Variants in GUCA1B observed in about 807,000 individuals in gnomAD.
GUCA1B encodes guanylyl cyclase-activating protein 2.
A neutral mutation model predicts 24.2 loss-of-function variants in GUCA1B; 22 were observed. The ratio of observed to expected loss-of-function variants is 0.91; its 90% confidence interval spans 0.65 to 1.30. GUCA1B has a LOEUF of 1.30. GUCA1B is among the 50% of genes most tolerant of loss of function. The pLI, the probability that GUCA1B is intolerant of heterozygous loss-of-function variation, is 0.00. For synonymous variants in GUCA1B, 100 were observed against 97.9 expected, an observed-to-expected ratio of 1.02 and a Z score of -0.13; for missense variants, 221 against 258.8, an observed-to-expected ratio of 0.85 and a Z score of 1.00.
chr6:42,188,668 C>T lies in GUCA1B; in HGVS notation c.271G>A (p.Glu91Lys), dbSNP rs1341349636. 6.2e-6 allele frequency: 10 copies of T among 1,613,882 alleles called. No individual in the cohort carries two copies. In the Admixed American group the frequency reaches 1.0e-4, roughly 16 times the overall value. Reference sequence around the variant, plus strand: ...TTGAATGTCCACTTCAGCTTGTGCTCCAGGGTGCCCCTCAGCACGAGATTC... The same window carrying T: ...TTGAATGTCCACTTCAGCTTGTGCTTCAGGGTGCCCCTCAGCACGAGATTC... Reference protein sequence around the residue: ...ALNLVLRGTLEHKLKWTFKIY... With the variant: ...ALNLVLRGTLKHKLKWTFKIY... The change falls in exon 2 of 4, where the codon GAG (glutamate) becomes AAG (lysine). Residue 91 changes from glutamate to lysine, a missense_variant. Coordinates refer to ENST00000230361, the MANE Select transcript of GUCA1B (RefSeq NM_002098.6).
At chr6:42,189,077 C>G (rs573803909) in intron 1 of GUCA1B, among the ~76,000 whole-genome samples, 186 of 152,236 alleles carry the variant, frequency 1.2e-3, no homozygotes, top group African/African-American at 3.7e-3. Flanking sequence ...GCCACCACAC[C>G]CAGCCTAGAG....
chr6:42,189,618 G>A (rs1768266716), intron 1 of GUCA1B, among the ~76,000 whole-genome samples: 2 of 152,188 alleles, frequency 1.3e-5, no homozygotes, highest in Non-Finnish European at 2.9e-5. Context: ...CAACAGGCCT[G>A]TGCCTCCAGC....
chr6:42,191,102 A>T (rs1768296264), intron 1 of GUCA1B, among the ~76,000 whole-genome samples: 1 of 152,194 alleles, frequency 6.6e-6, no homozygotes, highest in Admixed American at 6.5e-5. Context: ...CCTGAGAGTG[A>T]TGGAAATGGC....
rs767394548 is a variant in GUCA1B, at chr6:42,194,691, G to A, written c.130C>T (p.Arg44Cys). 2.7e-5 allele frequency: 43 copies of A among 1,613,370 alleles called. 1 individual carries two copies. In the East Asian group the frequency reaches 4.2e-4, roughly 16 times the overall value. ...TCATCGTCTGTGACCTTGAAGAAGCGCTTAAACTCATGCATAAAGAGTGTG... is the reference window on the plus strand; with the variant it reads ...TCATCGTCTGTGACCTTGAAGAAGCACTTAAACTCATGCATAAAGAGTGTG... ...SGTLFMHEFK[R>C]FFKVTDDEEA... Residue 44 changes from arginine (R) to cysteine (C), a missense_variant, in exon 1 of 4, where the codon CGC (arginine) becomes TGC (cysteine). Coordinates refer to ENST00000230361, the MANE Select transcript of GUCA1B (RefSeq NM_002098.6).
chr6:42,194,597 C>T lies in GUCA1B; in HGVS notation c.207+17G>A. 6.4e-7 allele frequency: 1 copy of T among 1,552,516 alleles called. No individual in the cohort carries two copies. Among genetic ancestry groups the T allele is most frequent in the Non-Finnish European group, 8.9e-7 (1 of 1,123,652 alleles). On this transcript the variant is annotated intron_variant, in intron 1 of 3. Transcript: ENST00000230361. ...CAGGTGGACTGGCCACTGGTCCTTC[C>T]CTTCAGGGTGCCTTACCCCATTCTT...
At position 42,184,046 on chromosome 6, in the gene GUCA1B, A is replaced by C. The variant is rs1439264227; in HGVS notation, c.*769T>G. Among the ~76,000 whole-genome samples the C allele has an allele frequency of 1.3e-5, 2 of 151,446 alleles. No homozygotes were observed. The highest frequency in any genetic ancestry group is 1.5e-5 in the Non-Finnish European group (1 of 67,936). Reference sequence around the variant, plus strand: ...CCCCTCAGCATCCCGGAAGTTATAGAATTATTGCTGCCCCCTGCCCCCCAA... The same window carrying C: ...CCCCTCAGCATCCCGGAAGTTATAGCATTATTGCTGCCCCCTGCCCCCCAA... On this transcript the variant is annotated 3_prime_UTR_variant, in exon 4 of 4. Coordinates refer to ENST00000230361, the MANE Select transcript of GUCA1B (RefSeq NM_002098.6).
intron 1 of GUCA1B, among the ~76,000 whole-genome samples, chr6:42,192,074 G>A (rs1012130723): frequency 1.3e-5 from 2 of 150,692 alleles, no homozygotes; most frequent in Non-Finnish European, 1.5e-5. Context: ...GAAAAAGGAA[G>A]GCCAGGCATG....
intron 1 of GUCA1B, among the ~76,000 whole-genome samples, 159 bp from the exon 2 acceptor site, chr6:42,188,890 A>T (rs904974718): frequency 7.7e-6 from 1 of 130,658 alleles, no homozygotes; most frequent in South Asian, 2.1e-4. Context: ...AGAACATTCT[A>T]TCTATCTATC....
At chr6:42,188,536 A>C in intron 2 of GUCA1B, 46 bp downstream of exon 2, 1 of 1,592,178 alleles carries the variant, frequency 6.3e-7, no homozygotes, top group Non-Finnish European at 8.6e-7. Flanking sequence ...GAGCTCCAGC[A>C]GTGCTCTAGT....
chr6:42,184,540 C>A lies in GUCA1B; in HGVS notation c.*275G>T. ...ACACCCAGAAACTGTGGGAGCCCCA[C>A]AACCACCCAGCCAAGGCACAGTCCT... On this transcript the variant is annotated 3_prime_UTR_variant, in exon 4 of 4. Coordinates refer to ENST00000230361, the MANE Select transcript of GUCA1B (RefSeq NM_002098.6). The A allele has an allele frequency of 2.1e-6, 1 of 469,350 alleles. No homozygotes were observed. Among genetic ancestry groups the A allele is most frequent in the East Asian group, 4.4e-5 (1 of 22,888 alleles). The allele number at this position is 469,350 out of a possible 1,614,324, so 29.1% of individuals were successfully genotyped here.
intron 1 of GUCA1B, 145 bp from the exon 2 acceptor site, chr6:42,188,876 G>T: frequency 1.6e-6 from 1 of 619,970 alleles, no homozygotes; most frequent in Non-Finnish European, 2.8e-6. Flanking sequence ...CACCCTTGGG[G>T]TAGAGAACAT....
chr6:42,188,293 C>CGTGTGTGTGTGTGTGTGTGTGT (rs151241798), intron 2 of GUCA1B, among the ~76,000 whole-genome samples: 1 of 143,584 alleles, frequency 7.0e-6, no homozygotes, highest in Admixed American at 6.9e-5. Flanking sequence ...AGATACTTGT[C>CGTGTGTGTGTGTGTGTGTGTGT]GTGTGTGTGT....
intron 2 of GUCA1B, among the ~76,000 whole-genome samples, chr6:42,186,965 A>G (rs371062219): frequency 6.6e-6 from 1 of 152,236 alleles, no homozygotes. Context: ...TTCTTCCTTA[A>G]TCATTCTTGC....
chr6:42,193,434 C>G (rs888987150), intron 1 of GUCA1B, among the ~76,000 whole-genome samples: 1 of 152,216 alleles, frequency 6.6e-6, no homozygotes, highest in African/African-American at 2.4e-5. Context: ...AAAAAACCTG[C>G]CTTCTAGGCA....
intron 2 of GUCA1B, among the ~76,000 whole-genome samples, chr6:42,186,632 G>A (rs1382597032): frequency 1.3e-5 from 2 of 151,950 alleles, no homozygotes; most frequent in South Asian, 2.1e-4. Context: ...ATGTAAATGC[G>A]GAAGAGATGG....
At position 42,193,557 on chromosome 6, in the gene GUCA1B, A is replaced by G. The variant is rs187469633; in HGVS notation, c.207+1057T>C. On this transcript the variant is annotated intron_variant, in intron 1 of 3. Coordinates refer to ENST00000230361, the MANE Select transcript of GUCA1B (RefSeq NM_002098.6). ...TCCCACCCAGGGTTGCTGCTGATTC[A>G]GAGGAGACCTAAGAGAGGCGGAGCG... 2.6e-5 allele frequency among the ~76,000 whole-genome samples: 4 copies of G among 152,340 alleles called. No individual in the cohort carries two copies. The East Asian group carries it at 7.7e-4, about 29-fold the overall frequency.
Position 42,194,766 on chromosome 6 carries a change from C to T in GUCA1B, c.55G>A (p.Ala19Thr), listed in dbSNP as rs1768369372. 33 of 1,604,944 alleles carry T rather than the reference C, an allele frequency of 2.1e-5. No individual in the cohort carries two copies. Among genetic ancestry groups the T allele is most frequent in the Non-Finnish European group, 2.7e-5 (32 of 1,175,564 alleles). Residue 19 changes from alanine to threonine, a missense_variant, in exon 1 of 4, where the codon GCG (alanine) becomes ACG (threonine). Ala to Thr is a moderately conservative substitution (Grantham distance 58). Coordinates refer to ENST00000230361, the MANE Select transcript of GUCA1B (RefSeq NM_002098.6). The part of the protein sequence containing the change: ...EAEAAGEIDV[A>T]ELQEWYKKFV... ...TTCTTGTACCACTCCTGGAGCTCCG[C>T]CACATCTATCTCGCCAGCTGCCTCC...
chr6:42,193,149 T>C (rs995099111), intron 1 of GUCA1B, among the ~76,000 whole-genome samples: 1 of 152,134 alleles, frequency 6.6e-6, no homozygotes, highest in African/African-American at 2.4e-5. Flanking sequence ...TTTAGAATCA[T>C]AGTAAAATTA....
Position 42,194,933 on chromosome 6 carries a change from C to T in GUCA1B, c.-113G>A. The T allele has an allele frequency of 1.3e-6, 1 of 774,492 alleles. No homozygotes were observed. Among genetic ancestry groups the T allele is most frequent in the Non-Finnish European group, 2.2e-6 (1 of 451,504 alleles). The allele number at this position is 774,492 out of a possible 1,614,324, so 48.0% of individuals were successfully genotyped here. On this transcript the variant is annotated 5_prime_UTR_variant, in exon 1 of 4. Transcript: ENST00000230361. Reference sequence around the variant, plus strand: ...TCCCTTTCCAGGAGGCCTGATCAGCCTCTCCATCATCTCCTGGGTGACTGA... The same window carrying T: ...TCCCTTTCCAGGAGGCCTGATCAGCTTCTCCATCATCTCCTGGGTGACTGA...
Sources: allele counts gnomAD v4.1 joint callset (sites outside exome capture counted in the v4.1 genomes callset), GRCh38; gene constraint gnomAD v4.1.1; transcripts MANE v1.5; gene names NCBI Gene and HGNC (gene_info 2026-07-23, HGNC 2026-07-21).